The following ATG7 variants were observed in gnomAD, a reference collection of about 807,000 sequenced individuals.
The protein encoded by ATG7 is autophagy related 7, also known as ubiquitin-like modifier-activating enzyme ATG7.
Under a neutral mutation model 82.4 loss-of-function variants are expected in ATG7, and 70 were observed. The ratio of observed to expected loss-of-function variants is 0.85; its 90% CI spans 0.70 to 1.04. The LOEUF (loss-of-function observed/expected upper bound fraction) is 1.04. Among genes scored for constraint, ATG7 ranks in the 50% least tolerant of loss-of-function variants. ATG7 has a pLI of 0.00. For synonymous variants in ATG7, 287 were observed against 313.0 expected (o/e 0.92, Z 0.88); for missense variants, 792 against 864.3 (o/e 0.92, Z 1.05).
At chr3:11,348,218 G>A (rs1954871240) in intron 14 of ATG7, 183 bp downstream of exon 14, 2 of 785,264 alleles carry the variant, frequency 2.5e-6, no homozygotes. Context: ...AACCAGGTCA[G>A]GCATGGTGGC....
intron 3 of ATG7, among the ~76,000 whole-genome samples, chr3:11,284,541 T>G (rs1943620430): frequency 6.6e-6 from 1 of 152,132 alleles, no homozygotes; most frequent in Non-Finnish European, 1.5e-5. Context: ...AGGGGTTTTG[T>G]TCTACTTTTT....
At chr3:11,536,533 C>G (rs1442757270) in intron 20 of ATG7, among the ~76,000 whole-genome samples, 1 of 152,214 alleles carries the variant, frequency 6.6e-6, no homozygotes, top group African/African-American at 2.4e-5. Context: ...TTCTGTTTCC[C>G]ATGCAAAACG....
intron 8 of ATG7, among the ~76,000 whole-genome samples, chr3:11,315,069 T>C (rs559507358): frequency 1.3e-5 from 2 of 152,196 alleles, no homozygotes; most frequent in South Asian, 4.1e-4. Context: ...TCGTTACCGC[T>C]CTAAAACTCT....
At chr3:11,524,109 A>C (rs1442511362) in intron 20 of ATG7, among the ~76,000 whole-genome samples, 2 of 152,252 alleles carry the variant, frequency 1.3e-5, no homozygotes, top group Non-Finnish European at 2.9e-5. Flanking sequence ...AAGCAGCTTG[A>C]AATATTCTCT....
chr3:11,378,481 A>G (rs1296027288), intron 18 of ATG7, among the ~76,000 whole-genome samples: 1 of 149,916 alleles, frequency 6.7e-6, no homozygotes, highest in Non-Finnish European at 1.5e-5. Context: ...CCAGGAGTTC[A>G]AGATCAGCCT....
At chr3:11,423,102 C>T (rs547217202) in intron 19 of ATG7, among the ~76,000 whole-genome samples, 1 of 152,114 alleles carries the variant, frequency 6.6e-6, no homozygotes, top group Admixed American at 6.5e-5. Flanking sequence ...GTGACTCTTC[C>T]TTTCACTTGG....
intron 20 of ATG7, among the ~76,000 whole-genome samples, chr3:11,471,705 G>A (rs1472636032): frequency 2.2e-5 from 3 of 137,538 alleles, no homozygotes; most frequent in Admixed American, 1.5e-4. Flanking sequence ...TTTTTTTTTA[G>A]AACTCAGAAA....
At position 11,453,494 on chromosome 3, in the gene ATG7, AG is replaced by A. The variant is rs2085401982; in HGVS notation, c.2079+26571del. 2.0e-5 allele frequency among the ~76,000 whole-genome samples: 3 copies of A among 152,216 alleles called. No homozygotes were observed. The South Asian group carries it at 6.2e-4, about 32-fold the overall frequency. On this transcript the variant is annotated intron_variant, in intron 20 of 20. Transcript: ENST00000693202. ...ACGAGTGAGAGAGAACAGCTAGAAA[AG>A]GGTGGAGAAGTAGGCGGGAGGAAGC...
chr3:11,348,366 TC>T (rs1954901546), intron 14 of ATG7: 1 of 213,472 alleles, frequency 4.7e-6, no homozygotes, highest in Admixed American at 5.6e-5. Flanking sequence ...GTTTGTTCCT[TC>T]AGATGTGTCT....
At chr3:11,358,310 C>T in intron 14 of ATG7, 108 bp from the exon 15 acceptor site, 1 of 1,109,870 alleles carries the variant, frequency 9.0e-7, no homozygotes, top group Non-Finnish European at 1.3e-6. Context: ...ACAGGGAGCT[C>T]TCATGTATGT....
At chr3:11,339,385 C>G (rs1953140085) in intron 11 of ATG7, among the ~76,000 whole-genome samples, 1 of 151,848 alleles carries the variant, frequency 6.6e-6, no homozygotes. Context: ...ATCTTAACTT[C>G]AAGTCAAGGA....
At chr3:11,417,425 C>T (rs1378851651) in intron 19 of ATG7, among the ~76,000 whole-genome samples, 1 of 152,066 alleles carries the variant, frequency 6.6e-6, no homozygotes, top group African/African-American at 2.4e-5. Context: ...TATGTAATGC[C>T]CTTCTTTATC....
the ATG7 span, among the ~76,000 whole-genome samples, chr3:11,570,932 GGT>G: frequency 2.6e-5 from 4 of 152,266 alleles, no homozygotes; most frequent in East Asian, 7.7e-4. Flanking sequence ...AAGGTGCCTG[GGT>G]GTGTCCCCAA....
chr3:11,513,893 G>A (rs1407640300), intron 20 of ATG7, among the ~76,000 whole-genome samples: 1 of 152,198 alleles, frequency 6.6e-6, no homozygotes, highest in Non-Finnish European at 1.5e-5. Flanking sequence ...TGTGTACCAG[G>A]CACTGGGTTT....
chr3:11,463,638 A>G (rs1414422213), intron 20 of ATG7, among the ~76,000 whole-genome samples: 9 of 152,196 alleles, frequency 5.9e-5, no homozygotes, highest in Admixed American at 5.9e-4. Flanking sequence ...GTGTTGGAGC[A>G]TTGAACATAA....
rs745412225 is a variant in ATG7, at chr3:11,554,886, GA to G, written c.*44del. The G allele has an allele frequency of 6.2e-7, 1 of 1,605,220 alleles. No homozygotes were observed. The highest frequency in any genetic ancestry group is 1.7e-5 in the Admixed American group (1 of 59,522). ...GCTGACTTCTCCCCGGCCGCCTGCT[GA>G]GGAGCTCTCCATCGCCAGAGCAGGA... On this transcript the variant is annotated 3_prime_UTR_variant, in exon 21 of 21. Transcript: ENST00000693202.
intron 20 of ATG7, among the ~76,000 whole-genome samples, chr3:11,440,942 C>G (rs1222703831): frequency 6.6e-6 from 1 of 151,924 alleles, no homozygotes; most frequent in African/African-American, 2.4e-5. Context: ...CCTCGGCCTC[C>G]CAAAGTGCTG....
chr3:11,288,543 T>C (rs911600090), intron 3 of ATG7: 1 of 152,192 alleles, frequency 6.6e-6, no homozygotes, highest in Non-Finnish European at 1.5e-5. Context: ...ATTATTTTAG[T>C]TATTTCTGTA....
intron 9 of ATG7, among the ~76,000 whole-genome samples, chr3:11,320,714 T>C (rs1384507024): frequency 1.3e-5 from 2 of 152,270 alleles, no homozygotes; most frequent in African/African-American, 2.4e-5. Flanking sequence ...CATGGCATCA[T>C]GCCTGGTGTG....
Sources: allele counts gnomAD v4.1 joint callset (sites outside exome capture counted in the v4.1 genomes callset), GRCh38; gene constraint gnomAD v4.1.1; transcripts MANE v1.5; gene names NCBI Gene and HGNC (gene_info 2026-07-23, HGNC 2026-07-21).